The following BUB1 variants were observed in gnomAD, a reference collection of about 807,000 sequenced individuals.
BUB1 encodes mitotic checkpoint serine/threonine-protein kinase BUB1.
BUB1 carries 84 observed loss-of-function variants against 135.2 expected under a neutral mutation model. That is an observed-to-expected ratio of 0.62 (90% CI 0.52 to 0.74). BUB1 has a LOEUF of 0.74. Ranked by LOEUF, BUB1 falls within the 30% of genes least tolerant of loss-of-function variation. The pLI is 0.00. For missense variants in BUB1, 1,162 were observed against 1,288.3 expected (o/e 0.90, Z 1.50); for synonymous variants, 403 against 434.4 (o/e 0.93, Z 0.90).
chr2:110,646,815 GA>G (rs2104522111), intron 19 of BUB1, among the ~76,000 whole-genome samples: 1 of 152,218 alleles, frequency 6.6e-6, no homozygotes, highest in South Asian at 2.1e-4. Flanking sequence ...AAAAATCAAT[GA>G]GATTCTACCT....
chr2:110,660,842 CAAGA>C (rs1690064458), intron 10 of BUB1: 1 of 152,034 alleles, frequency 6.6e-6, no homozygotes, highest in African/African-American at 2.4e-5. Flanking sequence ...TAATGGTTAT[CAAGA>C]AAGAAAAAAA....
chr2:110,656,968 T>C, intron 15 of BUB1, 68 bp downstream of exon 15: 1 of 1,184,808 alleles, frequency 8.4e-7, no homozygotes, highest in Non-Finnish European at 1.2e-6. Context: ...CTGACTGGCA[T>C]AATCATTTGG....
chr2:110,639,855 A>C lies in BUB1; in HGVS notation c.2956-7T>G. ...CAACCCCAAAGTAATCGATCTATGA[A>C]GAAGATAGAGGTATATATGACTTAA... On this transcript the variant is annotated splice_polypyrimidine_tract_variant and splice_region_variant and intron_variant, in intron 23 of 24. Coordinates refer to ENST00000302759, the MANE Select transcript of BUB1 (RefSeq NM_004336.5). 2 of 1,602,836 alleles carry C rather than the reference A, an allele frequency of 1.2e-6. No individual in the cohort carries two copies. The highest frequency in any genetic ancestry group is 4.5e-5 in the East Asian group (2 of 44,832).
intron 19 of BUB1, among the ~76,000 whole-genome samples, chr2:110,644,430 T>C (rs150366551): frequency 3.3e-5 from 5 of 149,422 alleles, no homozygotes; most frequent in Non-Finnish European, 7.4e-5. Flanking sequence ...TGCACCAAGA[T>C]TGTGCCACTG....
chr2:110,656,441 T>C (rs1460469991), intron 15 of BUB1, among the ~76,000 whole-genome samples: 1 of 152,324 alleles, frequency 6.6e-6, no homozygotes, highest in Non-Finnish European at 1.5e-5. Context: ...GAGTCTTTTT[T>C]GTACTGACAC....
chr2:110,641,408 G>C lies in BUB1; in HGVS notation c.2682C>G (p.Val894=). The change falls in exon 22 of 25, where the codon GTC becomes GTG. Residue 894 remains valine (V), a synonymous_variant. Coordinates refer to ENST00000302759, the MANE Select transcript of BUB1 (RefSeq NM_004336.5). ...AAAGCATTCTCATAGCAAAAGAGAT[G>C]ACAAGACCTTGAGGCATCACTTTTT... ...TPEKVMPQGL[V]ISFAMRMLYM... 6.2e-7 allele frequency: 1 copy of C among 1,614,032 alleles called. No homozygotes were observed. The highest frequency in any genetic ancestry group is 8.5e-7 in the Non-Finnish European group (1 of 1,179,976).
intron 9 of BUB1, among the ~76,000 whole-genome samples, chr2:110,663,278 T>A (rs1209619244): frequency 1.3e-5 from 2 of 151,750 alleles, no homozygotes; most frequent in East Asian, 3.9e-4. Flanking sequence ...AGATTCCGTC[T>A]CAAAAAAAAA....
chr2:110,661,506 G>A, intron 10 of BUB1, 76 bp downstream of exon 10: 4 of 1,505,460 alleles, frequency 2.7e-6, no homozygotes, highest in Non-Finnish European at 1.8e-6. Context: ...TACTGTTCCT[G>A]ATAATGCAGG....
chr2:110,638,177 T>C lies in BUB1; in HGVS notation c.3063-18A>G, dbSNP rs991198254. ...GAGGAAGCCTGAAAAAGACAAAGCA[T>C]AAATAATGGCTAAAATGTAGCCTTC... On this transcript the variant is annotated intron_variant, in intron 24 of 24. Transcript: ENST00000302759. 12 of 1,565,628 alleles carry C rather than the reference T, an allele frequency of 7.7e-6. No individual in the cohort carries two copies. Among genetic ancestry groups the C allele is most frequent in the African/African-American group, 2.7e-5 (2 of 73,342 alleles).
chr2:110,675,046 T>C (rs1400872072), intron 1 of BUB1: 1 of 152,618 alleles, frequency 6.6e-6, no homozygotes, highest in African/African-American at 2.4e-5. Context: ...TTTGTTTTCA[T>C]TGCTTCAAAG....
At chr2:110,677,888 A>G in intron 1 of BUB1, 82 bp downstream of exon 1, 4 of 1,486,238 alleles carry the variant, frequency 2.7e-6, no homozygotes, top group Non-Finnish European at 3.7e-6. Context: ...GGGCAAAAGA[A>G]GGCAGGTCTG....
At chr2:110,677,167 C>A (rs1274274747) in intron 1 of BUB1, among the ~76,000 whole-genome samples, 1 of 152,138 alleles carries the variant, frequency 6.6e-6, no homozygotes, top group East Asian at 1.9e-4. Context: ...GGAATATCTG[C>A]TTTACCTTTA....
chr2:110,656,094 T>A (rs1689927481), intron 15 of BUB1, among the ~76,000 whole-genome samples, 178 bp from the exon 16 acceptor site: 1 of 152,128 alleles, frequency 6.6e-6, no homozygotes, highest in African/African-American at 2.4e-5. Context: ...AACTGGAAAA[T>A]CAGTGGAGTT....
chr2:110,670,450 T>G, intron 5 of BUB1, 75 bp downstream of exon 5: 1 of 1,568,790 alleles, frequency 6.4e-7, no homozygotes, highest in Admixed American at 1.7e-5. Context: ...GTTTGTTTTT[T>G]AAAGAAAAGA....
At chr2:110,639,660 CTT>C (rs112515450) in intron 24 of BUB1, 80 bp downstream of exon 24, 15,335 of 951,338 alleles carry the variant, frequency 0.016, no homozygotes, top group South Asian at 0.018. Flanking sequence ...GGCAGAGATC[CTT>C]TTTTTTTTTT....
At chr2:110,644,590 T>C (rs1445443881) in intron 19 of BUB1, among the ~76,000 whole-genome samples, 1 of 146,248 alleles carries the variant, frequency 6.8e-6, no homozygotes, top group South Asian at 2.1e-4. Context: ...GCAGGATAAA[T>C]ACTGAAAAAT....
At chr2:110,657,945 G>A (rs191842370) in intron 13 of BUB1, among the ~76,000 whole-genome samples, 32 of 152,244 alleles carry the variant, frequency 2.1e-4, no homozygotes, top group Middle Eastern at 3.4e-3. Context: ...TCAGGGTTTC[G>A]TTTTCCATTT....
At chr2:110,641,495 T>G in intron 21 of BUB1, 31 bp from the exon 22 acceptor site, 1 of 1,585,292 alleles carries the variant, frequency 6.3e-7, no homozygotes, top group Non-Finnish European at 8.6e-7. Flanking sequence ...AATCCTGAGT[T>G]AGTTGCACAA....
intron 8 of BUB1, 118 bp downstream of exon 8, chr2:110,667,403 T>C: frequency 5.4e-6 from 6 of 1,111,556 alleles, no homozygotes; most frequent in Non-Finnish European, 7.5e-6. Context: ...TAGGATGAGA[T>C]GAAGACTTTC....
Sources: allele counts gnomAD v4.1 joint callset (sites outside exome capture counted in the v4.1 genomes callset), GRCh38; gene constraint gnomAD v4.1.1; transcripts MANE v1.5; gene names NCBI Gene and HGNC (gene_info 2026-07-23, HGNC 2026-07-21).